Variants in DNM2 observed in about 807,000 individuals in gnomAD.
DNM2 encodes the protein dynamin 2.
In DNM2, 15 loss-of-function variants were observed where a neutral mutation model predicts 99.0. That is an observed-to-expected ratio of 0.15 (90% CI 0.10 to 0.23). DNM2 has a LOEUF of 0.23. DNM2 is among the 10% of genes least tolerant of loss of function. DNM2 has a pLI of 1.00. For missense variants in DNM2, 742 were observed against 1,189.4 expected (o/e 0.62, Z 5.53); for synonymous variants, 525 against 481.2 (o/e 1.09, Z -1.19).
Position 10,795,697 on chromosome 19 carries a change from G to C in DNM2, c.1196+258G>C. ...AATAGGGCTTAGTTCCTGCCCAGTC[G>C]GTTGGTGTGAACCTCATGCTAAACT... On this transcript the variant is annotated intron_variant, in intron 9 of 20. Transcript: ENST00000389253. This position sits in a 1 kb window ranked among gnomAD's most constrained non-coding sequence, Gnocchi z 4.2. 1.7e-6 allele frequency: 1 copy of C among 587,152 alleles called. No homozygotes were observed. Among genetic ancestry groups the C allele is most frequent in the Non-Finnish European group, 3.0e-6 (1 of 330,088 alleles). The allele number at this position is 587,152 out of a possible 1,614,324, so 36.4% of individuals were successfully genotyped here.
At position 10,816,824 on chromosome 19, in the gene DNM2, A is replaced by G. The variant is rs1453033751; in HGVS notation, c.1672-3156A>G. Reference sequence around the variant, plus strand: ...TGGCAGCATTGCAAGTCTAGTTTTCAGATCTCCTCTTCCTTCACGTGAGGG... The same window carrying G: ...TGGCAGCATTGCAAGTCTAGTTTTCGGATCTCCTCTTCCTTCACGTGAGGG... On this transcript the variant is annotated intron_variant, in intron 15 of 20. Coordinates refer to ENST00000389253, the MANE Select transcript of DNM2 (RefSeq NM_001005361.3). This position sits in a 1 kb window ranked among gnomAD's most constrained non-coding sequence, Gnocchi z 4.6. 6.6e-6 allele frequency among the ~76,000 whole-genome samples: 1 copy of G among 152,200 alleles called. No homozygotes were observed. The highest frequency in any genetic ancestry group is 1.5e-5 in the Non-Finnish European group (1 of 68,032).
intron 1 of DNM2, chr19:10,754,971 T>C (rs2070332698): frequency 6.6e-6 from 1 of 152,146 alleles, no homozygotes; most frequent in Non-Finnish European, 1.5e-5. Flanking sequence ...TCTCAGAAAG[T>C]CCCTCCTGCC....
intron 1 of DNM2, among the ~76,000 whole-genome samples, chr19:10,741,372 C>T (rs1361468093): frequency 6.6e-6 from 1 of 152,000 alleles, no homozygotes; most frequent in African/African-American, 2.4e-5. Flanking sequence ...GCTGGGACCA[C>T]AGGCGTGTGC....
chr19:10,775,788 G>A lies in DNM2; in HGVS notation c.471G>A (p.Lys157=), dbSNP rs757708760. The change falls in exon 4 of 21, where the codon AAG becomes AAA. Residue 157 remains lysine (K), a synonymous_variant. Coordinates refer to ENST00000389253, the MANE Select transcript of DNM2 (RefSeq NM_001005361.3). The surrounding 1 kb of genome is among the most constrained non-coding windows in gnomAD (Gnocchi z 4.3). ...DQPPDIEYQI[K]DMILQFISRE... ...CTCCAGACATCGAGTACCAGATCAA[G>A]GACATGATCCTGCAGTTCATCAGCC... 6.2e-6 allele frequency: 10 copies of A among 1,614,048 alleles called. No homozygotes were observed. The Admixed American group carries it at 1.0e-4, about 16-fold the overall frequency.
At position 10,818,329 on chromosome 19, in the gene DNM2, C is replaced by A. The variant is rs1408643504; in HGVS notation, c.1672-1651C>A. ...CCCTACTTCTTTGCCTAGAGCCTGGCAGGCTAATCCTGGAGCCGCTCACAA... is the reference window on the plus strand; with the variant it reads ...CCCTACTTCTTTGCCTAGAGCCTGGAAGGCTAATCCTGGAGCCGCTCACAA... On this transcript the variant is annotated intron_variant, in intron 15 of 20. Coordinates refer to ENST00000389253, the MANE Select transcript of DNM2 (RefSeq NM_001005361.3). The surrounding 1 kb of genome is among the most constrained non-coding windows in gnomAD (Gnocchi z 4.3). Among the ~76,000 whole-genome samples, 1 of 152,234 alleles carries A rather than the reference C, an allele frequency of 6.6e-6. No individual in the cohort carries two copies. The highest frequency in any genetic ancestry group is 1.5e-5 in the Non-Finnish European group (1 of 68,040).
In DNM2 at chr19:10,777,293, C is replaced by T. The variant is rs2071186966; in HGVS notation, c.688+77C>T. On this transcript the variant is annotated intron_variant, in intron 5 of 20. Transcript: ENST00000389253. ...ATTACTGAAACCCCAGCACCTGTTC[C>T]CTGCCTGCCTGGAAGTCATTGCTTC... The T allele has an allele frequency of 4.4e-6, 6 of 1,354,840 alleles. No homozygotes were observed. The East Asian group carries it at 1.5e-4, about 33-fold the overall frequency. The allele number at this position is 1,354,840 out of a possible 1,614,324, so 83.9% of individuals were successfully genotyped here. A position where few individuals can be genotyped will look rare whatever the true frequency, so the allele number is the denominator to read the frequency against.
chr19:10,803,149 C>T (rs189864005), intron 12 of DNM2, among the ~76,000 whole-genome samples: 11 of 152,264 alleles, frequency 7.2e-5, no homozygotes, highest in East Asian at 1.9e-4. Context: ...TAGTGCTGGG[C>T]GGGGCCGTGC....
Position 10,802,403 on chromosome 19 carries a change from ACT to A in DNM2, c.1493+49_1493+50del, listed in dbSNP as rs753998545. ...GGCTGGTCGGGCGGCACCAATCCTC[ACT>A]CTCAGATCCAAGGAGGTGACTGAGT... On this transcript the variant is annotated intron_variant, in intron 12 of 20. Transcript: ENST00000389253. The A allele has an allele frequency of 2.5e-6, 4 of 1,595,682 alleles. No homozygotes were observed. The South Asian group carries it at 4.4e-5, about 18-fold the overall frequency.
chr19:10,821,922 G>A (rs1304269445), intron 16 of DNM2, among the ~76,000 whole-genome samples: 1 of 152,176 alleles, frequency 6.6e-6, no homozygotes, highest in African/African-American at 2.4e-5. Context: ...AAGGAGAGGA[G>A]GAGCTACAAG....
rs563387191 is a variant in DNM2, at chr19:10,771,290, G to T, written c.236-1189G>T. On this transcript the variant is annotated intron_variant, in intron 2 of 20. Coordinates refer to ENST00000389253, the MANE Select transcript of DNM2 (RefSeq NM_001005361.3). ...GCTTTGTCCTCAATCTGTGATTCGG[G>T]ACTGGATTTCTCTTGTTTCCTGGTG... Among the ~76,000 whole-genome samples, 3 of 152,296 alleles carry T rather than the reference G, an allele frequency of 2.0e-5. No individual in the cohort carries two copies. In the South Asian group the frequency reaches 6.2e-4, roughly 32 times the overall value.
At chr19:10,828,989 G>C (rs1253005767) in intron 18 of DNM2, 47 bp from the exon 19 acceptor site, 3 of 1,577,128 alleles carry the variant, frequency 1.9e-6, no homozygotes, top group Non-Finnish European at 2.6e-6. Context: ...GTGGGTTCTG[G>C]GTTGGGGTGA....
chr19:10,790,810 A>G (rs1389836090), intron 7 of DNM2, among the ~76,000 whole-genome samples: 1 of 152,134 alleles, frequency 6.6e-6, no homozygotes, highest in Admixed American at 6.5e-5. Flanking sequence ...CTTGTTGCCC[A>G]GGCTAGAGTG....
At chr19:10,798,272 TC>T in intron 10 of DNM2, 1 of 588,176 alleles carries the variant, frequency 1.7e-6, no homozygotes, top group East Asian at 2.8e-5. Context: ...GAAAAGCAGC[TC>T]TGCTCTCCTG....
rs1274969676 is a variant in DNM2, at chr19:10,811,957, C to A, written c.1558-307C>A. On this transcript the variant is annotated intron_variant, in intron 14 of 20. Coordinates refer to ENST00000389253, the MANE Select transcript of DNM2 (RefSeq NM_001005361.3). This position sits in a 1 kb window ranked among gnomAD's most constrained non-coding sequence, Gnocchi z 5.4. ...AGATGTCACATTTCATGTGCCACAG[C>A]CCCACACACAAGCCCCAGGGACTCC... The A allele has an allele frequency of 4.3e-6, 2 of 464,396 alleles. No homozygotes were observed. The highest frequency in any genetic ancestry group is 8.6e-6 in the Non-Finnish European group (2 of 233,140). 28.8% of individuals were successfully genotyped at this position (464,396 alleles called of 1,614,324 possible). A position where few individuals can be genotyped will look rare whatever the true frequency, so the allele number is the denominator to read the frequency against.
At chr19:10,739,172 C>T (rs1318070057) in intron 1 of DNM2, among the ~76,000 whole-genome samples, 1 of 152,078 alleles carries the variant, frequency 6.6e-6, no homozygotes. Flanking sequence ...GACTCCGTCT[C>T]AAAAATAAAT....
In DNM2 at chr19:10,772,544, A is replaced by G; in HGVS notation, c.301A>G (p.Ile101Val). Reference sequence around the variant, plus strand: ...AGACTTTGATGAAGTCCGGCAGGAGATTGAAGCAGAGACCGACAGGGTCAC... The same window carrying G: ...AGACTTTGATGAAGTCCGGCAGGAGGTTGAAGCAGAGACCGACAGGGTCAC... The part of the protein sequence containing the change: ...FTDFDEVRQE[I>V]EAETDRVTGT... Residue 101 changes from isoleucine to valine, a missense_variant, in exon 3 of 21, where the codon ATT becomes GTT. Physicochemically the swap from Ile to Val is conservative, Grantham distance 29. Around this residue, in one of 7 missense-constraint regions of DNM2, gnomAD observed 192 missense variants for 358.9 expected, o/e 0.54. Transcript: ENST00000389253. This position sits in a 1 kb window ranked among gnomAD's most constrained non-coding sequence, Gnocchi z 4.9. The G allele has an allele frequency of 1.9e-6, 3 of 1,614,182 alleles. No individual in the cohort carries two copies. Among genetic ancestry groups the G allele is most frequent in the Non-Finnish European group, 2.5e-6 (3 of 1,180,042 alleles).
At chr19:10,747,798 G>A (rs1378972130) in intron 1 of DNM2, among the ~76,000 whole-genome samples, 2 of 152,150 alleles carry the variant, frequency 1.3e-5, no homozygotes, top group African/African-American at 4.8e-5. Context: ...CCCGGAAGAT[G>A]CCAGTTGTGA....
chr19:10,810,742 T>C (rs943712392), intron 14 of DNM2: 3 of 152,316 alleles, frequency 2.0e-5, no homozygotes, highest in Non-Finnish European at 4.4e-5. Flanking sequence ...TCTCCCTGTT[T>C]TCCCTCACCT....
At chr19:10,727,839 G>A in intron 1 of DNM2, among the ~76,000 whole-genome samples, 1 of 152,112 alleles carries the variant, frequency 6.6e-6, no homozygotes, top group East Asian at 1.9e-4. Flanking sequence ...CTCGGCTGCT[G>A]AAAAAAAGTG....
Sources: gnomAD v4.1 joint callset for allele counts (sites outside exome capture counted in the v4.1 genomes callset) on GRCh38, gnomAD v4.1.1 for gene constraint, gnomAD v4.1.1 regional missense constraint, Gnocchi (gnomAD v3.1) non-coding constraint, MANE v1.5 for transcripts, NCBI Gene and HGNC (gene_info 2026-07-23, HGNC 2026-07-21) for gene names.